The following FTO variants were observed in gnomAD, a reference collection of about 807,000 sequenced individuals.
The protein encoded by FTO is FTO alpha-ketoglutarate dependent dioxygenase, also known as alpha-ketoglutarate-dependent dioxygenase FTO.
FTO carries 47 observed loss-of-function variants against 63.9 expected under a neutral mutation model. The ratio of observed to expected loss-of-function variants is 0.74; its 90% CI spans 0.58 to 0.94. The LOEUF (loss-of-function observed/expected upper bound fraction) is 0.94, where lower values mean the gene tolerates loss of function less well. Ranked by LOEUF, FTO falls within the 40% of genes least tolerant of loss-of-function variation. The probability of loss-of-function intolerance (pLI) is 0.00; values close to 1 mark genes in which losing one functional copy is unlikely to be tolerated. For synonymous variants in FTO, 207 were observed against 224.4 expected (o/e 0.92, Z 0.69); for missense variants, 562 against 618.1 (o/e 0.91, Z 0.96).
At chr16:53,864,345 G>T (rs995162295) in intron 4 of FTO, among the ~76,000 whole-genome samples, 9 of 152,128 alleles carry the variant, frequency 5.9e-5, no homozygotes, top group Non-Finnish European at 1.2e-4. Context: ...AGGAAGTAAG[G>T]GCTGGGGTAA....
intron 8 of FTO, among the ~76,000 whole-genome samples, chr16:54,020,511 C>T (rs1471915033): frequency 6.6e-6 from 1 of 152,168 alleles, no homozygotes; most frequent in Non-Finnish European, 1.5e-5. Context: ...TACCTTTCCA[C>T]CACTTATATA....
chr16:53,741,864 G>A (rs540155378), intron 1 of FTO, among the ~76,000 whole-genome samples: 38 of 152,232 alleles, frequency 2.5e-4, no homozygotes, highest in African/African-American at 7.5e-4. Flanking sequence ...CTGGGAAATC[G>A]CTTATTTCAA....
At chr16:53,826,944 T>C (rs2079023728) in intron 3 of FTO, among the ~76,000 whole-genome samples, 1 of 152,162 alleles carries the variant, frequency 6.6e-6, no homozygotes, top group East Asian at 1.9e-4. Context: ...CCAAAATATT[T>C]TATTATGGTT....
intron 7 of FTO, among the ~76,000 whole-genome samples, chr16:53,911,834 G>C (rs1225583640): frequency 6.6e-6 from 1 of 152,210 alleles, no homozygotes. Context: ...GGCTCTGGCC[G>C]TGGTTTTGCA....
At chr16:54,017,837 T>C (rs1567519403) in intron 8 of FTO, among the ~76,000 whole-genome samples, 1 of 152,162 alleles carries the variant, frequency 6.6e-6, no homozygotes, top group Non-Finnish European at 1.5e-5. Flanking sequence ...CTCTAGACAT[T>C]TTCAATCAGC....
At chr16:53,940,223 C>T (rs978435350) in intron 8 of FTO, among the ~76,000 whole-genome samples, 6 of 151,858 alleles carry the variant, frequency 4.0e-5, no homozygotes, top group Admixed American at 1.3e-4. Flanking sequence ...ATTGCATTTC[C>T]CTATTGACTA....
intron 7 of FTO, among the ~76,000 whole-genome samples, chr16:53,925,069 T>TAA (rs763272865): frequency 1.6e-4 from 20 of 123,514 alleles, no homozygotes; most frequent in South Asian, 1.3e-3. Flanking sequence ...CTTTTTTTTG[T>TAA]AAAAAAAAAA....
At chr16:53,914,271 T>G (rs927726765) in intron 7 of FTO, among the ~76,000 whole-genome samples, 1 of 151,898 alleles carries the variant, frequency 6.6e-6, no homozygotes, top group East Asian at 1.9e-4. Flanking sequence ...TTTTTTTTTT[T>G]GTCCTGTTTC....
At chr16:53,998,118 C>T (rs182789476) in intron 8 of FTO, among the ~76,000 whole-genome samples, 1 of 151,990 alleles carries the variant, frequency 6.6e-6, no homozygotes. Context: ...AAAACTTGAC[C>T]GAGAAGGGAA....
At chr16:54,099,786 G>T (rs2086594663) in intron 8 of FTO, among the ~76,000 whole-genome samples, 1 of 152,172 alleles carries the variant, frequency 6.6e-6, no homozygotes, top group Non-Finnish European at 1.5e-5. Context: ...GTAGGGGGAG[G>T]ACTTCAGGAG....
intron 1 of FTO, among the ~76,000 whole-genome samples, chr16:53,737,082 A>G (rs903784387): frequency 2.0e-5 from 3 of 152,178 alleles, no homozygotes; most frequent in Non-Finnish European, 4.4e-5. Context: ...GAAGGCAGGA[A>G]CCCTGTGTGC....
At chr16:54,015,754 G>A (rs1408710022) in intron 8 of FTO, among the ~76,000 whole-genome samples, 2 of 152,236 alleles carry the variant, frequency 1.3e-5, no homozygotes, top group East Asian at 1.9e-4. Flanking sequence ...TCTGTGAAGC[G>A]CGGGTACTTT....
chr16:53,704,654 C>T (rs942295908), intron 1 of FTO, among the ~76,000 whole-genome samples: 5 of 152,106 alleles, frequency 3.3e-5, no homozygotes, highest in African/African-American at 1.2e-4. Context: ...TCTCCGTGAC[C>T]GGCTGATAAC....
intron 1 of FTO, among the ~76,000 whole-genome samples, chr16:53,710,368 C>T (rs908919703): frequency 1.3e-5 from 2 of 151,132 alleles, no homozygotes; most frequent in East Asian, 1.9e-4. Context: ...CGAGTTCAAG[C>T]GATTCTTCTG....
chr16:54,104,050 A>C (rs1464153706), intron 8 of FTO, among the ~76,000 whole-genome samples: 1 of 152,138 alleles, frequency 6.6e-6, no homozygotes, highest in African/African-American at 2.4e-5. Flanking sequence ...TAATATGAAA[A>C]ATACTTATCT....
chr16:53,811,786 C>T (rs914097085), intron 2 of FTO, among the ~76,000 whole-genome samples: 15 of 152,130 alleles, frequency 9.9e-5, no homozygotes, highest in African/African-American at 1.2e-4. Flanking sequence ...CCTCTGCTGA[C>T]GTACCTCCTT....
chr16:53,947,286 C>G (rs1262780264), intron 8 of FTO, among the ~76,000 whole-genome samples: 1 of 152,154 alleles, frequency 6.6e-6, no homozygotes, highest in East Asian at 1.9e-4. Flanking sequence ...AGGCAGGCAG[C>G]GCAGGTGGAT....
At chr16:53,926,582 G>C (rs1026602610) in intron 7 of FTO, among the ~76,000 whole-genome samples, 2 of 152,238 alleles carry the variant, frequency 1.3e-5, no homozygotes, top group African/African-American at 4.8e-5. Flanking sequence ...TGCATAAAGA[G>C]AATGATCAGC....
chr16:54,076,269 G>C (rs1157495192), intron 8 of FTO, among the ~76,000 whole-genome samples: 1 of 152,188 alleles, frequency 6.6e-6, no homozygotes. Context: ...TAACTAAAAA[G>C]AGGAAATTAA....
Sources: allele counts gnomAD v4.1 joint callset (sites outside exome capture counted in the v4.1 genomes callset), GRCh38; gene constraint gnomAD v4.1.1; transcripts MANE v1.5; gene names NCBI Gene and HGNC (gene_info 2026-07-23, HGNC 2026-07-21).